ADAM12: variants seen among roughly 807,000 people sequenced by gnomAD.
The protein encoded by ADAM12 is disintegrin and metalloproteinase domain-containing protein 12.
Under a neutral mutation model 106.4 loss-of-function variants are expected in ADAM12, and 70 were observed. That is an observed-to-expected ratio of 0.66 (90% CI 0.54 to 0.80). The LOEUF is 0.80. Among genes scored for constraint, ADAM12 ranks in the 30% least tolerant of loss-of-function variants. The probability of loss-of-function intolerance (pLI) is 0.00; values close to 1 mark genes in which losing one functional copy is unlikely to be tolerated. For missense variants in ADAM12, 1,010 were observed against 1,171.9 expected, an observed-to-expected ratio of 0.86 and a Z score of 2.02; for synonymous variants, 420 against 433.5, an observed-to-expected ratio of 0.97 and a Z score of 0.39.
intron 1 of ADAM12, among the ~76,000 whole-genome samples, chr10:126,345,581 T>C (rs1362792217): frequency 1.3e-5 from 2 of 152,218 alleles, no homozygotes; most frequent in African/African-American, 4.8e-5. Flanking sequence ...TTGGTTGGAA[T>C]AGTTTCAGAA....
chr10:126,263,858 G>T (rs150611335), intron 3 of ADAM12, among the ~76,000 whole-genome samples: 1 of 152,074 alleles, frequency 6.6e-6, no homozygotes, highest in African/African-American at 2.4e-5. Context: ...GTAATTTATG[G>T]TCCAATATAA....
intron 22 of ADAM12, 126 bp downstream of exon 22, chr10:126,019,569 C>A: frequency 4.0e-6 from 5 of 1,253,442 alleles, no homozygotes; most frequent in Non-Finnish European, 5.4e-6. Flanking sequence ...TTACGGTATT[C>A]CCAGTTGTAG....
intron 3 of ADAM12, among the ~76,000 whole-genome samples, chr10:126,174,275 T>C (rs1158683334): frequency 1.1e-4 from 17 of 150,298 alleles, no homozygotes; most frequent in African/African-American, 7.3e-5. Flanking sequence ...ATATACACCA[T>C]GGCCCTTTCC....
intron 3 of ADAM12, among the ~76,000 whole-genome samples, chr10:126,173,066 T>C (rs764132596): frequency 1.3e-5 from 2 of 151,994 alleles, no homozygotes; most frequent in Non-Finnish European, 2.9e-5. Context: ...TGAGAACACA[T>C]GGACATAGGG....
chr10:126,221,173 C>T (rs1958084346), intron 3 of ADAM12, among the ~76,000 whole-genome samples: 1 of 152,114 alleles, frequency 6.6e-6, no homozygotes, highest in African/African-American at 2.4e-5. Flanking sequence ...CACTTGAGGT[C>T]AGGAGTTCGA....
At chr10:126,373,710 C>G (rs1182636683) in intron 1 of ADAM12, among the ~76,000 whole-genome samples, 3 of 152,186 alleles carry the variant, frequency 2.0e-5, no homozygotes, top group Non-Finnish European at 4.4e-5. Flanking sequence ...TGAGTTGACA[C>G]AGCTAGAAAG....
chr10:126,361,879 T>A (rs1855757292), intron 1 of ADAM12, among the ~76,000 whole-genome samples: 2 of 151,404 alleles, frequency 1.3e-5, no homozygotes, highest in Non-Finnish European at 3.0e-5. Flanking sequence ...CTATAGGCAA[T>A]TTTTTTTTAG....
At chr10:126,209,725 T>C (rs941002939) in intron 3 of ADAM12, among the ~76,000 whole-genome samples, 10 of 152,212 alleles carry the variant, frequency 6.6e-5, no homozygotes, top group Non-Finnish European at 1.3e-4. Flanking sequence ...ATTGTTATAT[T>C]GAATGCAGGT....
At chr10:126,270,157 T>C (rs1008614896) in intron 3 of ADAM12, among the ~76,000 whole-genome samples, 2 of 152,232 alleles carry the variant, frequency 1.3e-5, no homozygotes, top group Non-Finnish European at 2.9e-5. Flanking sequence ...TCCCTGAGTC[T>C]ATAGTCATGC....
chr10:126,231,244 G>A (rs1590653852), intron 3 of ADAM12, among the ~76,000 whole-genome samples: 1 of 152,122 alleles, frequency 6.6e-6, no homozygotes, highest in Non-Finnish European at 1.5e-5. Flanking sequence ...TAAAGTTTGC[G>A]AGAAACTTAT....
intron 1 of ADAM12, among the ~76,000 whole-genome samples, chr10:126,367,094 C>A (rs1421746966): frequency 6.6e-6 from 1 of 151,916 alleles, no homozygotes; most frequent in African/African-American, 2.4e-5. Context: ...GGGACATTAC[C>A]CTATCCAACA....
At position 126,043,034 on chromosome 10, in the gene ADAM12, A is replaced by G; in HGVS notation, c.2104+6T>C. 1 of 1,613,862 alleles carries G rather than the reference A, an allele frequency of 6.2e-7. No individual in the cohort carries two copies. The highest frequency in any genetic ancestry group is 2.2e-5 in the East Asian group (1 of 44,870). Reference sequence around the variant, plus strand: ...CCTCCCACCGGGATGCAGGGGCTTCACTGACCTGCTTGCCGGATGGGGCCG... The same window carrying G: ...CCTCCCACCGGGATGCAGGGGCTTCGCTGACCTGCTTGCCGGATGGGGCCG... On this transcript the variant is annotated splice_donor_region_variant and intron_variant, in intron 18 of 22. Transcript: ENST00000448723. The surrounding 1 kb of genome is among the most constrained non-coding windows in gnomAD (Gnocchi z 4.1).
intron 14 of ADAM12, among the ~76,000 whole-genome samples, chr10:126,052,811 G>A (rs1435376120): frequency 6.6e-6 from 1 of 152,228 alleles, no homozygotes; most frequent in East Asian, 1.9e-4. Context: ...CAAAGGCATG[G>A]AAACAGTGTG....
intron 3 of ADAM12, among the ~76,000 whole-genome samples, chr10:126,271,852 A>G (rs531433960): frequency 1.3e-5 from 2 of 152,360 alleles, no homozygotes; most frequent in East Asian, 3.9e-4. Flanking sequence ...TTAGGAATAA[A>G]GTCAAGATCC....
chr10:126,361,141 T>G (rs2133903098), intron 1 of ADAM12, among the ~76,000 whole-genome samples: 1 of 152,282 alleles, frequency 6.6e-6, no homozygotes, highest in African/African-American at 2.4e-5. Flanking sequence ...GAAGTCAAGA[T>G]GAGATTTTGG....
intron 2 of ADAM12, among the ~76,000 whole-genome samples, chr10:126,290,154 G>T (rs546919284): frequency 1.3e-5 from 2 of 152,268 alleles, no homozygotes; most frequent in Non-Finnish European, 2.9e-5. Context: ...AAGGAACCTG[G>T]TGTCTCCAGA....
chr10:126,174,689 TGA>T (rs1389967632), intron 3 of ADAM12, among the ~76,000 whole-genome samples: 3 of 152,010 alleles, frequency 2.0e-5, no homozygotes, highest in African/African-American at 7.2e-5. Context: ...TCTCTTGGAA[TGA>T]GACATTTCCA....
chr10:126,330,382 CT>C lies in ADAM12; in HGVS notation c.186+29del. On this transcript the variant is annotated intron_variant, in intron 2 of 22. Transcript: ENST00000448723. The stretch of plus-strand genomic sequence containing the variant: ...AATGTGATTTAAAAGCTTCGGCAGT[CT>C]CAAAGCTGAGAAAAGGAGAGGAACT... 3 of 1,580,582 alleles carry C rather than the reference CT, an allele frequency of 1.9e-6. No individual in the cohort carries two copies. The South Asian group carries it at 3.4e-5, about 18-fold the overall frequency.
chr10:126,251,105 C>T (rs1958736690), intron 3 of ADAM12, among the ~76,000 whole-genome samples: 1 of 152,162 alleles, frequency 6.6e-6, no homozygotes, highest in African/African-American at 2.4e-5. Context: ...TCTCCTCTGG[C>T]CAAGGGGTAG....
Sources: gnomAD v4.1 joint callset for allele counts (sites outside exome capture counted in the v4.1 genomes callset) on GRCh38, gnomAD v4.1.1 for gene constraint, Gnocchi (gnomAD v3.1) non-coding constraint, MANE v1.5 for transcripts, NCBI Gene and HGNC (gene_info 2026-07-23, HGNC 2026-07-21) for gene names.